The following TRAF3IP2 variants were observed in gnomAD, a reference collection of about 807,000 sequenced individuals.
The protein encoded by TRAF3IP2 is TRAF3 interacting protein 2.
TRAF3IP2 carries 35 observed loss-of-function variants against 57.9 expected under a neutral mutation model. The ratio of observed to expected loss-of-function variants is 0.60; its 90% CI spans 0.46 to 0.80. The LOEUF (loss-of-function observed/expected upper bound fraction) is 0.80. Ranked by LOEUF, TRAF3IP2 falls within the 30% of genes least tolerant of loss-of-function variation. TRAF3IP2 has a pLI of 0.00. For synonymous variants in TRAF3IP2, 251 were observed against 268.9 expected, an observed-to-expected ratio of 0.93 and a Z score of 0.65; for missense variants, 556 against 706.4, an observed-to-expected ratio of 0.79 and a Z score of 2.41.
chr6:111,571,937 TATAGA>T (rs1319003852), intron 5 of TRAF3IP2, among the ~76,000 whole-genome samples: 1 of 151,948 alleles, frequency 6.6e-6, no homozygotes, highest in Non-Finnish European at 1.5e-5. Context: ...AAAATTATCT[TATAGA>T]ATAAAGAAAG....
Position 111,556,446 on chromosome 6 carries a change from A to C in TRAF3IP2, c.*2959T>G. 1 of 152,182 alleles carries C rather than the reference A, an allele frequency of 6.6e-6. No individual in the cohort carries two copies. The highest frequency in any genetic ancestry group is 1.5e-5 in the Non-Finnish European group (1 of 68,028). The allele number at this position is 152,182 out of a possible 1,614,324, so 9.4% of individuals were successfully genotyped here. A position where few individuals can be genotyped will look rare whatever the true frequency, so the allele number is the denominator to read the frequency against. On this transcript the variant is annotated 3_prime_UTR_variant, in exon 9 of 9. Transcript: ENST00000368761. ...TCTTTGCAAACTAGAAACATTTCAG[A>C]GTAATTGCTGATGTCATTTTATTTA...
chr6:111,584,913 C>G (rs1796281180), intron 2 of TRAF3IP2, among the ~76,000 whole-genome samples: 1 of 152,030 alleles, frequency 6.6e-6, no homozygotes, highest in South Asian at 2.1e-4. Flanking sequence ...AATAAAAATC[C>G]AGATTCCTCA....
chr6:111,603,082 GTGCACA>G (rs1326324320), intron 1 of TRAF3IP2, among the ~76,000 whole-genome samples: 1 of 107,306 alleles, frequency 9.3e-6, no homozygotes, highest in African/African-American at 3.3e-5. Flanking sequence ...CACACAAGGT[GTGCACA>G]CACACACACA....
intron 1 of TRAF3IP2, among the ~76,000 whole-genome samples, chr6:111,594,132 C>CAAA (rs36108891): frequency 1.6e-5 from 2 of 124,020 alleles, no homozygotes; most frequent in Non-Finnish European, 3.3e-5. Context: ...ACTCCATCTC[C>CAAA]AAAAAAAAAA....
intron 3 of TRAF3IP2, chr6:111,577,070 T>G (rs1796013810): frequency 6.6e-6 from 1 of 150,752 alleles, no homozygotes; most frequent in Admixed American, 6.6e-5. Context: ...TTTTATATTT[T>G]TATTAATATA....
chr6:111,582,923 A>T (rs900694658), intron 2 of TRAF3IP2, among the ~76,000 whole-genome samples: 2 of 152,042 alleles, frequency 1.3e-5, no homozygotes, highest in African/African-American at 4.8e-5. Flanking sequence ...CTTTGTCCAG[A>T]ATGTTTTTGC....
At position 111,591,727 on chromosome 6, in the gene TRAF3IP2, A is replaced by G; in HGVS notation, c.360T>C (p.Ser120=). Residue 120 remains serine, a synonymous_variant, in exon 2 of 9, where the codon TCT becomes TCC. Transcript: ENST00000368761. The surrounding 1 kb of genome is among the most constrained non-coding windows in gnomAD (Gnocchi z 4.9). ...GCTCTGCAGGGAGGGCTCCAACCAC[A>G]GACTCAGACGCAGGCTCGCTGACTG... ...CSAVSEPASE[S]VVGALPAEHQ... is the part of the protein sequence containing the mutation. The G allele has an allele frequency of 2.5e-6, 4 of 1,614,244 alleles. No individual in the cohort carries two copies. Among genetic ancestry groups the G allele is most frequent in the Non-Finnish European group, 3.4e-6 (4 of 1,180,042 alleles).
At chr6:111,566,117 T>C (rs955052272) in intron 7 of TRAF3IP2, among the ~76,000 whole-genome samples, 1 of 152,138 alleles carries the variant, frequency 6.6e-6, no homozygotes, top group African/African-American at 2.4e-5. Context: ...CCACCCCGTC[T>C]CCTGCCTCCT....
At chr6:111,593,657 C>T (rs1366623230) in intron 1 of TRAF3IP2, among the ~76,000 whole-genome samples, 1 of 152,122 alleles carries the variant, frequency 6.6e-6, no homozygotes, top group Admixed American at 6.5e-5. Context: ...TCCGGCTGGC[C>T]TTCCCTCCTC....
intron 1 of TRAF3IP2, chr6:111,600,710 A>C (rs994730380): frequency 6.6e-6 from 1 of 152,474 alleles, no homozygotes; most frequent in African/African-American, 2.4e-5. Context: ...TGCTAAAAAC[A>C]GGTCATGGTA....
rs890428646 is a variant in TRAF3IP2, at chr6:111,556,132, T to C, written c.*3273A>G. Among the ~76,000 whole-genome samples the C allele has an allele frequency of 6.7e-6, 1 of 150,340 alleles. No homozygotes were observed. Among genetic ancestry groups the C allele is most frequent in the Non-Finnish European group, 1.5e-5 (1 of 67,682 alleles). On this transcript the variant is annotated 3_prime_UTR_variant, in exon 9 of 9. Transcript: ENST00000368761. ...AAAAAAAAAAAAAAATGCTTTGATG[T>C]TGGTGGTCATCGGATCTCATAGAAA...
intron 5 of TRAF3IP2, among the ~76,000 whole-genome samples, chr6:111,568,493 G>A (rs1003417627): frequency 4.8e-5 from 7 of 147,088 alleles, no homozygotes; most frequent in Admixed American, 2.7e-4. Context: ...GTGTGTGTAC[G>A]TGCACGTGTG....
chr6:111,569,240 T>A (rs1288531044), intron 5 of TRAF3IP2, among the ~76,000 whole-genome samples: 1 of 152,238 alleles, frequency 6.6e-6, no homozygotes, highest in Non-Finnish European at 1.5e-5. Flanking sequence ...AGCAATATAG[T>A]GTCAGGGTTG....
intron 1 of TRAF3IP2, among the ~76,000 whole-genome samples, chr6:111,592,847 G>A (rs915003269): frequency 1.7e-4 from 26 of 152,104 alleles, no homozygotes; most frequent in Admixed American, 1.3e-4. Context: ...TAGGTCATTT[G>A]GAGGACTTAA....
chr6:111,572,949 A>G lies in TRAF3IP2; in HGVS notation c.1236T>C (p.Ala412=), dbSNP rs1444561314. 1.2e-6 allele frequency: 2 copies of G among 1,613,988 alleles called. No individual in the cohort carries two copies. Among genetic ancestry groups the G allele is most frequent in the African/African-American group, 2.7e-5 (2 of 74,938 alleles). The change falls in exon 5 of 9, where the codon GCT becomes GCC. Residue 412 remains alanine (A), a synonymous_variant. Coordinates refer to ENST00000368761, the MANE Select transcript of TRAF3IP2 (RefSeq NM_147686.4). ...KVFITYSMDT[A]MEVVKFVNFL... ...AGTTCACGAATTTCACCACCTCCAT[A>G]GCTGTGTCCATCGAATAAGTGATAA...
intron 7 of TRAF3IP2, among the ~76,000 whole-genome samples, chr6:111,565,895 TGTAA>T (rs1795620634): frequency 6.6e-6 from 1 of 152,162 alleles, no homozygotes; most frequent in South Asian, 2.1e-4. Flanking sequence ...ACGACAATCC[TGTAA>T]GTATTAGTGA....
chr6:111,571,776 CA>C (rs1583222075), intron 5 of TRAF3IP2, among the ~76,000 whole-genome samples: 1 of 151,552 alleles, frequency 6.6e-6, no homozygotes, highest in East Asian at 1.9e-4. Flanking sequence ...AATACACACA[CA>C]AAAAAATTAG....
At chr6:111,561,332 C>T (rs551498894) in intron 8 of TRAF3IP2, among the ~76,000 whole-genome samples, 7 of 149,714 alleles carry the variant, frequency 4.7e-5, no homozygotes, top group Non-Finnish European at 8.9e-5. Context: ...CCCAGATAGT[C>T]GGGAGGCTGA....
intron 3 of TRAF3IP2, chr6:111,576,459 T>C (rs1795990968): frequency 1.3e-5 from 2 of 152,336 alleles, no homozygotes; most frequent in South Asian, 4.1e-4. Flanking sequence ...GCCGCTTCTG[T>C]GGTTTCTGTC....
Sources: gnomAD v4.1 joint callset for allele counts (sites outside exome capture counted in the v4.1 genomes callset) on GRCh38, gnomAD v4.1.1 for gene constraint, Gnocchi (gnomAD v3.1) non-coding constraint, MANE v1.5 for transcripts, NCBI Gene and HGNC (gene_info 2026-07-23, HGNC 2026-07-21) for gene names.